Variants in MCM9 observed in about 807,000 individuals in gnomAD.
MCM9 encodes DNA helicase MCM9.
In MCM9, 55 loss-of-function variants were observed where a neutral mutation model predicts 72.8. That is an observed-to-expected ratio of 0.76 (90% CI 0.61 to 0.95). The LOEUF (loss-of-function observed/expected upper bound fraction) is 0.95, where lower values mean the gene tolerates loss of function less well. Ranked by LOEUF, MCM9 falls within the 40% of genes least tolerant of loss-of-function variation. The pLI is 0.00. For synonymous variants in MCM9, 480 were observed against 503.4 expected (o/e 0.95, Z 0.62); for missense variants, 1,279 against 1,377.0 (o/e 0.93, Z 1.13).
chr6:118,855,767 A>AG (rs929221480), intron 9 of MCM9, among the ~76,000 whole-genome samples: 2 of 152,124 alleles, frequency 1.3e-5, no homozygotes, highest in African/African-American at 4.8e-5. Context: ...CTTTGTAGCC[A>AG]GGTAAGTTTC....
chr6:118,930,277 A>G (rs917106223), intron 3 of MCM9, among the ~76,000 whole-genome samples: 1 of 151,328 alleles, frequency 6.6e-6, no homozygotes, highest in African/African-American at 2.4e-5. Context: ...TGCCCGGCTA[A>G]TTTTTTTTGT....
At chr6:118,821,632 G>A (rs1462509318) in intron 13 of MCM9, among the ~76,000 whole-genome samples, 1 of 152,080 alleles carries the variant, frequency 6.6e-6, no homozygotes, top group Non-Finnish European at 1.5e-5. Flanking sequence ...TATCTTAGTG[G>A]TGTTCTCTGT....
rs1427240916 is a variant in MCM9 at position 118,827,939 on chromosome 6, G to A, written c.1720C>T (p.Arg574Ter). The part of the protein sequence containing the change: ...TTIRLLESLI[R>*]LAEAHARLMF... ...GAATGAAATAGACCTTCTGCTAATC[G>A]TATCAAGCTTTCCAACAGCCGAATG... The change falls in exon 11 of 14, where the codon CGA (arginine) becomes TGA (stop). Residue 574 changes from arginine (R) to a stop codon, truncating the protein, a stop_gained. Coordinates refer to ENST00000619706, the MANE Select transcript of MCM9 (RefSeq NM_017696.3). LOFTEE classifies it high-confidence loss of function. 5.8e-6 allele frequency: 9 copies of A among 1,550,782 alleles called. No individual in the cohort carries two copies. Among genetic ancestry groups the A allele is most frequent in the South Asian group, 2.4e-5 (2 of 84,062 alleles).
intron 8 of MCM9, among the ~76,000 whole-genome samples, chr6:118,894,903 G>T (rs1779256416): frequency 6.6e-6 from 1 of 152,074 alleles, no homozygotes; most frequent in Non-Finnish European, 1.5e-5. Context: ...CGGAGGCTGG[G>T]AAGGGAGAGG....
intron 8 of MCM9, chr6:118,910,545 T>C (rs1780469479): frequency 3.4e-6 from 3 of 892,778 alleles, no homozygotes; most frequent in Non-Finnish European, 2.7e-6. Context: ...TTAGATGGCT[T>C]GGACTCATTT....
At chr6:118,882,013 C>T (rs1021151891) in intron 8 of MCM9, among the ~76,000 whole-genome samples, 7 of 152,156 alleles carry the variant, frequency 4.6e-5, no homozygotes, top group Admixed American at 2.0e-4. Context: ...ATCCCCTCCA[C>T]GTGTGAGGTA....
chr6:118,902,951 C>T (rs1053987283), intron 8 of MCM9, among the ~76,000 whole-genome samples: 1 of 152,160 alleles, frequency 6.6e-6, no homozygotes, highest in Non-Finnish European at 1.5e-5. Flanking sequence ...AGACATCTGC[C>T]TAGTATTGCC....
chr6:118,834,069 T>C (rs1774782565), intron 9 of MCM9, among the ~76,000 whole-genome samples: 1 of 152,088 alleles, frequency 6.6e-6, no homozygotes. Context: ...CGTGTCCATG[T>C]TTTCTCATTG....
chr6:118,910,872 TG>T, intron 8 of MCM9: 1 of 985,346 alleles, frequency 1.0e-6, no homozygotes, highest in South Asian at 4.7e-5. Flanking sequence ...AATTTTAAAG[TG>T]TTAGTTTCTC....
At chr6:118,888,937 G>C (rs1386645643) in intron 8 of MCM9, among the ~76,000 whole-genome samples, 1 of 151,996 alleles carries the variant, frequency 6.6e-6, no homozygotes, top group Non-Finnish European at 1.5e-5. Flanking sequence ...GCTGGGGAGG[G>C]GGATGTGCTA....
intron 8 of MCM9, among the ~76,000 whole-genome samples, chr6:118,878,872 C>T (rs1349599596): frequency 2.6e-5 from 4 of 152,172 alleles, no homozygotes; most frequent in Admixed American, 1.3e-4. Flanking sequence ...GCCTGGGCAA[C>T]ATGACAAAAC....
chr6:118,904,172 C>A (rs1388148671), intron 8 of MCM9, among the ~76,000 whole-genome samples: 1 of 152,152 alleles, frequency 6.6e-6, no homozygotes, highest in Non-Finnish European at 1.5e-5. Flanking sequence ...TTAGAAAATT[C>A]TAAGCAATAT....
intron 10 of MCM9, among the ~76,000 whole-genome samples, chr6:118,828,390 A>AT (rs796793445): frequency 0.021 from 3,035 of 145,490 alleles, 49 homozygotes; most frequent in East Asian, 0.057. Context: ...AAATACATCT[A>AT]TTTTTTTTTT....
intron 13 of MCM9, among the ~76,000 whole-genome samples, chr6:118,823,848 T>A (rs1294554375): frequency 6.6e-6 from 1 of 151,792 alleles, no homozygotes; most frequent in Non-Finnish European, 1.5e-5. Context: ...ATGGTATATA[T>A]CTCTGGGAAA....
At chr6:118,933,964 C>A (rs1200188520) in intron 1 of MCM9, among the ~76,000 whole-genome samples, 32 of 100,282 alleles carry the variant, frequency 3.2e-4, no homozygotes, top group Admixed American at 4.9e-4. Context: ...GGACTTTGCC[C>A]AAAAAAAAAA....
intron 13 of MCM9, among the ~76,000 whole-genome samples, chr6:118,816,821 A>G (rs968994477): frequency 5.3e-5 from 8 of 151,132 alleles, no homozygotes; most frequent in African/African-American, 1.7e-4. Context: ...GCATCTGAGC[A>G]GTCACCTTCC....
At chr6:118,888,209 G>A (rs951898719) in intron 8 of MCM9, among the ~76,000 whole-genome samples, 10 of 152,004 alleles carry the variant, frequency 6.6e-5, no homozygotes, top group Admixed American at 3.9e-4. Context: ...TCTGGTGGCC[G>A]GGCATGGTGG....
intron 9 of MCM9, among the ~76,000 whole-genome samples, chr6:118,852,320 A>G (rs1776283130): frequency 6.6e-6 from 1 of 152,202 alleles, no homozygotes; most frequent in Non-Finnish European, 1.5e-5. Context: ...TGAAAACTTG[A>G]CTATAAATAT....
chr6:118,914,184 C>T (rs1212602509), intron 6 of MCM9, among the ~76,000 whole-genome samples: 1 of 152,178 alleles, frequency 6.6e-6, no homozygotes, highest in East Asian at 1.9e-4. Context: ...GATCACTGCA[C>T]ACCACAACCC....
Sources: allele counts gnomAD v4.1 joint callset (sites outside exome capture counted in the v4.1 genomes callset), GRCh38; gene constraint gnomAD v4.1.1; transcripts MANE v1.5; gene names NCBI Gene and HGNC (gene_info 2026-07-23, HGNC 2026-07-21).